NXPH2: variants seen among roughly 807,000 people sequenced by gnomAD.
NXPH2 encodes the protein neurexophilin 2, also known as neurexophilin-2.
In NXPH2, 5 loss-of-function variants were observed where a neutral mutation model predicts 19.8. The observed-to-expected ratio is 0.25, with a 90% confidence interval of 0.13 to 0.53. The LOEUF (loss-of-function observed/expected upper bound fraction) is 0.53. NXPH2 is among the 20% of genes least tolerant of loss of function. The pLI, the probability that NXPH2 is intolerant of heterozygous loss-of-function variation, is 0.96. For missense variants in NXPH2, 289 were observed against 322.8 expected, an observed-to-expected ratio of 0.90 and a Z score of 0.80; for synonymous variants, 154 against 127.4, an observed-to-expected ratio of 1.21 and a Z score of -1.41.
At chr2:138,736,516 C>T (rs1035191516) in intron 1 of NXPH2, among the ~76,000 whole-genome samples, 13 of 152,216 alleles carry the variant, frequency 8.5e-5, no homozygotes, top group Non-Finnish European at 1.8e-4. Context: ...AGCATGGGGT[C>T]TCCTGGTCCA....
chr2:138,672,448 CG>C (rs756161586), intron 1 of NXPH2, among the ~76,000 whole-genome samples: 3 of 152,030 alleles, frequency 2.0e-5, no homozygotes, highest in Non-Finnish European at 2.9e-5. Context: ...GCCACCGAAA[CG>C]TAAGACTTTA....
At chr2:138,692,500 G>A (rs1010702814) in intron 1 of NXPH2, among the ~76,000 whole-genome samples, 10 of 152,126 alleles carry the variant, frequency 6.6e-5, no homozygotes, top group African/African-American at 2.4e-4. Flanking sequence ...GTATTCACCA[G>A]GTACCTTTTT....
intron 1 of NXPH2, among the ~76,000 whole-genome samples, chr2:138,750,293 C>T (rs1260346202): frequency 6.6e-6 from 1 of 152,090 alleles, no homozygotes; most frequent in Non-Finnish European, 1.5e-5. Flanking sequence ...TAACATCTCT[C>T]ATGAAGTAAA....
chr2:138,695,065 G>A (rs143786820), intron 1 of NXPH2, among the ~76,000 whole-genome samples: 4 of 152,142 alleles, frequency 2.6e-5, no homozygotes, highest in African/African-American at 7.2e-5. Context: ...GTAAAAATAC[G>A]GCATTATAAT....
intron 1 of NXPH2, among the ~76,000 whole-genome samples, chr2:138,715,133 C>A (rs766411218): frequency 6.6e-6 from 1 of 152,182 alleles, no homozygotes; most frequent in Non-Finnish European, 1.5e-5. Flanking sequence ...AGATTCACTA[C>A]AGTCACTTTG....
intron 1 of NXPH2, among the ~76,000 whole-genome samples, chr2:138,729,618 T>C (rs530400173): frequency 1.3e-5 from 2 of 152,316 alleles, no homozygotes; most frequent in South Asian, 4.1e-4. Flanking sequence ...TTTTTTGCTA[T>C]GGCCAAAATG....
chr2:138,710,375 A>T lies in NXPH2; in HGVS notation c.52-38710T>A, dbSNP rs559019541. 1.3e-3 allele frequency among the ~76,000 whole-genome samples: 203 copies of T among 152,320 alleles called. 1 individual carries two copies. The highest frequency in any genetic ancestry group is 3.1e-3 in the Admixed American group (47 of 15,298). ...GAATAATGCTGTAATGAAGATTGGT[A>T]TAAAAGTATTTGCTTGAGTCCCTGT... is the stretch of plus-strand genomic sequence containing the variant. On this transcript the variant is annotated intron_variant, in intron 1 of 1. Coordinates refer to ENST00000272641, the MANE Select transcript of NXPH2 (RefSeq NM_007226.3).
chr2:138,681,422 A>T (rs556847829), intron 1 of NXPH2, among the ~76,000 whole-genome samples: 319 of 152,348 alleles, frequency 2.1e-3, no homozygotes, highest in Middle Eastern at 6.8e-3. Context: ...GTTTATACTC[A>T]ATATAAAGTG....
Position 138,755,182 on chromosome 2 carries a change from A to G in NXPH2, c.51+25009T>C, listed in dbSNP as rs370363172. Among the ~76,000 whole-genome samples the G allele has an allele frequency of 2.6e-5, 4 of 152,088 alleles. No individual in the cohort carries two copies. In the East Asian group the frequency reaches 7.7e-4, roughly 29 times the overall value. On this transcript the variant is annotated intron_variant, in intron 1 of 1. Coordinates refer to ENST00000272641, the MANE Select transcript of NXPH2 (RefSeq NM_007226.3). Reference sequence around the variant, plus strand: ...TTCTTTTAATAGTGCTTTCACTGAGAAGTTTTTAATTACAATAAGGTTCAA... The same window carrying G: ...TTCTTTTAATAGTGCTTTCACTGAGGAGTTTTTAATTACAATAAGGTTCAA...
At chr2:138,704,836 T>C (rs1206302063) in intron 1 of NXPH2, among the ~76,000 whole-genome samples, 1 of 151,724 alleles carries the variant, frequency 6.6e-6, no homozygotes, top group East Asian at 1.9e-4. Context: ...TTTTTTTTTT[T>C]TTTTTGAGAT....
chr2:138,760,414 A>G (rs888239612), intron 1 of NXPH2, among the ~76,000 whole-genome samples: 1 of 152,226 alleles, frequency 6.6e-6, no homozygotes, highest in African/African-American at 2.4e-5. Context: ...ATGCTTCCTA[A>G]CAGCAAAATT....
chr2:138,716,979 G>A (rs1455604018), intron 1 of NXPH2, among the ~76,000 whole-genome samples: 1 of 152,174 alleles, frequency 6.6e-6, no homozygotes, highest in Non-Finnish European at 1.5e-5. Flanking sequence ...AACTGCACAT[G>A]TTTGAAATGA....
chr2:138,733,668 A>G (rs1260858858), intron 1 of NXPH2, among the ~76,000 whole-genome samples: 1 of 152,216 alleles, frequency 6.6e-6, no homozygotes, highest in Non-Finnish European at 1.5e-5. Context: ...GACATCTAAG[A>G]AAGCTCTCAC....
At chr2:138,724,176 G>A (rs1430064505) in intron 1 of NXPH2, among the ~76,000 whole-genome samples, 1 of 152,142 alleles carries the variant, frequency 6.6e-6, no homozygotes. Flanking sequence ...CCACTTATAA[G>A]TGAAAGCATG....
intron 1 of NXPH2, among the ~76,000 whole-genome samples, chr2:138,752,547 T>C (rs1681842797): frequency 6.6e-6 from 1 of 152,138 alleles, no homozygotes; most frequent in Non-Finnish European, 1.5e-5. Context: ...ACACCTAATT[T>C]CCCTAGTTTC....
intron 1 of NXPH2, among the ~76,000 whole-genome samples, chr2:138,715,771 A>T (rs1179630742): frequency 6.6e-6 from 1 of 151,970 alleles, no homozygotes; most frequent in Non-Finnish European, 1.5e-5. Context: ...GAGTCACCTA[A>T]ATCTCCATTT....
intron 1 of NXPH2, among the ~76,000 whole-genome samples, chr2:138,778,515 C>A (rs2104847816): frequency 6.6e-6 from 1 of 152,246 alleles, no homozygotes; most frequent in East Asian, 1.9e-4. Flanking sequence ...TTCCCCGACA[C>A]GTGCCCAAAT....
intron 1 of NXPH2, among the ~76,000 whole-genome samples, chr2:138,700,205 A>C (rs991985112): frequency 6.6e-6 from 1 of 152,178 alleles, no homozygotes; most frequent in Admixed American, 6.5e-5. Context: ...GATGCATCTA[A>C]TAGCCCATTT....
At position 138,719,141 on chromosome 2, in the gene NXPH2, A is replaced by T. The variant is rs75760624; in HGVS notation, c.52-47476T>A. Among the ~76,000 whole-genome samples, 148 of 152,284 alleles carry T rather than the reference A, an allele frequency of 9.7e-4. No homozygotes were observed. The East Asian group carries it at 0.019, about 19-fold the overall frequency. The stretch of plus-strand genomic sequence containing the variant: ...TTATTAATAAAAGATTACTTAAATA[A>T]CTCAAAGTAGAGCTATATAATGGAA... On this transcript the variant is annotated intron_variant, in intron 1 of 1. Transcript: ENST00000272641.
Sources: gnomAD v4.1 joint callset for allele counts (sites outside exome capture counted in the v4.1 genomes callset) on GRCh38, gnomAD v4.1.1 for gene constraint, MANE v1.5 for transcripts, NCBI Gene and HGNC (gene_info 2026-07-23, HGNC 2026-07-21) for gene names.